EEA1: variants seen among roughly 807,000 people sequenced by gnomAD.
EEA1 encodes early endosome antigen 1, 162kD.
EEA1 carries 111 observed loss-of-function variants against 209.2 expected under a neutral mutation model. That is an observed-to-expected ratio of 0.53 (90% CI 0.45 to 0.62). The LOEUF is 0.62. Among genes scored for constraint, EEA1 ranks in the 20% least tolerant of loss-of-function variants. EEA1 has a pLI of 0.00. For synonymous variants in EEA1, 536 were observed against 540.6 expected (o/e 0.99, Z 0.12); for missense variants, 1,343 against 1,530.8 (o/e 0.88, Z 2.05).
At chr12:92,807,325 T>A (rs971137466) in intron 18 of EEA1, among the ~76,000 whole-genome samples, 1 of 152,124 alleles carries the variant, frequency 6.6e-6, no homozygotes, top group Non-Finnish European at 1.5e-5. Context: ...CAGAAAAACC[T>A]ACAGCTAACC....
In EEA1 at chr12:92,772,976, A is replaced by G. The variant is rs551303452; in HGVS notation, c.*3035T>C. The G allele has an allele frequency of 1.4e-3, 206 of 152,358 alleles. No individual in the cohort carries two copies. The highest frequency in any genetic ancestry group is 4.8e-3 in the African/African-American group (200 of 41,546). The allele number at this position is 152,358 out of a possible 1,614,324, so 9.4% of individuals were successfully genotyped here. A position where few individuals can be genotyped will look rare whatever the true frequency, so the allele number is the denominator to read the frequency against. The stretch of plus-strand genomic sequence containing the variant: ...ATGCACAATATTCACATCTGCAACA[A>G]TAACAAATTGATCATTAAAATTCAG... On this transcript the variant is annotated 3_prime_UTR_variant, in exon 29 of 29. Transcript: ENST00000322349.
Position 92,778,191 on chromosome 12 carries a change from GAA to G in EEA1, c.3655-14_3655-13del, listed in dbSNP as rs1171683797. 6.3e-7 allele frequency: 1 copy of G among 1,597,136 alleles called. No individual in the cohort carries two copies. On this transcript the variant is annotated splice_polypyrimidine_tract_variant and intron_variant, in intron 25 of 28. Coordinates refer to ENST00000322349, the MANE Select transcript of EEA1 (RefSeq NM_003566.4). ...TTTATTTCGGAATGCTGAAAAAAAG[GAA>G]AAGTTGGGGGGAAATCTATTACAAA...
chr12:92,924,977 C>CAGGGCCTTCTAA (rs1441132007), intron 1 of EEA1, among the ~76,000 whole-genome samples: 1 of 151,548 alleles, frequency 6.6e-6, no homozygotes, highest in South Asian at 2.1e-4. Context: ...GAAGCCTTCC[C>CAGGGCCTTCTAA]AACATCTAAA....
At position 92,900,455 on chromosome 12, in the gene EEA1, G is replaced by A. The variant is rs139104738; in HGVS notation, c.25-8734C>T. Among the ~76,000 whole-genome samples the A allele has an allele frequency of 2.3e-3, 343 of 150,440 alleles. 2 individuals carry two copies. The highest frequency in any genetic ancestry group is 7.7e-3 in the African/African-American group (316 of 40,948). Reference sequence around the variant, plus strand: ...GTGTGTTTTTTTTTTTACATTTAATGCCCACAAAATTTTCTTGTTTTAATA... The same window carrying A: ...GTGTGTTTTTTTTTTTACATTTAATACCCACAAAATTTTCTTGTTTTAATA... On this transcript the variant is annotated intron_variant, in intron 1 of 28. Coordinates refer to ENST00000322349, the MANE Select transcript of EEA1 (RefSeq NM_003566.4).
chr12:92,820,480 G>A lies in EEA1; in HGVS notation c.1525-969C>T, dbSNP rs139740703. On this transcript the variant is annotated intron_variant, in intron 13 of 28. Transcript: ENST00000322349. Reference sequence around the variant, plus strand: ...CCTCTCAGTCTCTGTTCCTGCCACCGATAGATAACTCCTCTCTCTACATTC... The same window carrying A: ...CCTCTCAGTCTCTGTTCCTGCCACCAATAGATAACTCCTCTCTCTACATTC... Among the ~76,000 whole-genome samples, 12 of 152,166 alleles carry A rather than the reference G, an allele frequency of 7.9e-5. No homozygotes were observed. In the East Asian group the frequency reaches 1.9e-3, roughly 24 times the overall value.
intron 14 of EEA1, among the ~76,000 whole-genome samples, chr12:92,818,732 CT>C (rs1875911797): frequency 6.6e-6 from 1 of 152,126 alleles, no homozygotes; most frequent in Admixed American, 6.6e-5. Flanking sequence ...AAAAAAGCAA[CT>C]GTAAATTCTT....
At position 92,929,160 on chromosome 12, in the gene EEA1, C is replaced by A; in HGVS notation, c.-94G>T. Reference sequence around the variant, plus strand: ...GGTGCGCGGGCGGGAGGGACTGGGCCGGGAGGGGACCGGGAAGGAGGTCGG... The same window carrying A: ...GGTGCGCGGGCGGGAGGGACTGGGCAGGGAGGGGACCGGGAAGGAGGTCGG... On this transcript the variant is annotated 5_prime_UTR_variant, in exon 1 of 29. Coordinates refer to ENST00000322349, the MANE Select transcript of EEA1 (RefSeq NM_003566.4). The A allele has an allele frequency of 8.5e-7, 1 of 1,177,418 alleles. No individual in the cohort carries two copies. Among genetic ancestry groups the A allele is most frequent in the Non-Finnish European group, 1.2e-6 (1 of 858,616 alleles). 72.9% of individuals were successfully genotyped at this position (1,177,418 alleles called of 1,614,324 possible). A position where few individuals can be genotyped will look rare whatever the true frequency, so the allele number is the denominator to read the frequency against.
At chr12:92,903,096 G>A (rs888155730) in intron 1 of EEA1, among the ~76,000 whole-genome samples, 4 of 151,460 alleles carry the variant, frequency 2.6e-5, no homozygotes, top group African/African-American at 7.3e-5. Flanking sequence ...CACCACACCC[G>A]GCTAATTTTT....
Position 92,778,060 on chromosome 12 carries a change from T to C in EEA1, c.3774A>G (p.Gln1258=), listed in dbSNP as rs201651838. ...ENLGTVKKEW[Q]SSQRRVSELE... is the part of the protein sequence containing the mutation. ...GCTCACTAACTCTCCGTTGACTAGA[T>C]TGCCACTCCTTCTTCACAGTGCCTA... Residue 1258 remains glutamine, a synonymous_variant, in exon 26 of 29, where the codon CAA becomes CAG. Coordinates refer to ENST00000322349, the MANE Select transcript of EEA1 (RefSeq NM_003566.4). 1.9e-5 allele frequency: 30 copies of C among 1,613,562 alleles called. No homozygotes were observed. The highest frequency in any genetic ancestry group is 1.8e-4 in the Admixed American group (11 of 59,944).
chr12:92,823,425 C>G (rs1876154199), intron 13 of EEA1, among the ~76,000 whole-genome samples: 1 of 152,218 alleles, frequency 6.6e-6, no homozygotes, highest in South Asian at 2.1e-4. Flanking sequence ...TAACTTCTAT[C>G]TGGAGTAAAC....
intron 18 of EEA1, among the ~76,000 whole-genome samples, chr12:92,803,794 C>T (rs1318116186): frequency 6.6e-6 from 1 of 152,028 alleles, no homozygotes; most frequent in Non-Finnish European, 1.5e-5. Flanking sequence ...ATGGAAAAGT[C>T]ATTATACTAA....
chr12:92,791,402 A>G (rs908929938), intron 21 of EEA1, among the ~76,000 whole-genome samples: 6 of 152,176 alleles, frequency 3.9e-5, no homozygotes, highest in Non-Finnish European at 7.3e-5. Flanking sequence ...AGACGCATAT[A>G]GGCTCAAAAT....
At chr12:92,865,959 C>T (rs1439443537) in intron 2 of EEA1, among the ~76,000 whole-genome samples, 3 of 150,390 alleles carry the variant, frequency 2.0e-5, no homozygotes, top group Non-Finnish European at 4.5e-5. Flanking sequence ...CATGTTGGCC[C>T]GGTGGTCTCG....
At chr12:92,837,305 G>A (rs958716857) in intron 10 of EEA1, among the ~76,000 whole-genome samples, 7 of 152,122 alleles carry the variant, frequency 4.6e-5, no homozygotes, top group African/African-American at 1.7e-4. Context: ...TAGTGTCACA[G>A]CCAGTAAGTG....
intron 13 of EEA1, chr12:92,821,107 T>C (rs1876033143): frequency 6.6e-6 from 1 of 152,176 alleles, no homozygotes; most frequent in Admixed American, 6.5e-5. Context: ...TCCCAATTTC[T>C]GCCAATTTCC....
At chr12:92,802,819 C>A (rs1874992686) in intron 18 of EEA1, 85 bp from the exon 19 acceptor site, 1 of 1,133,302 alleles carries the variant, frequency 8.8e-7, no homozygotes, top group Admixed American at 3.5e-5. Context: ...CAAACAATTA[C>A]TGAGTTCTGA....
intron 18 of EEA1, among the ~76,000 whole-genome samples, chr12:92,805,476 T>C (rs1477896581): frequency 2.6e-5 from 4 of 152,208 alleles, no homozygotes; most frequent in Non-Finnish European, 5.9e-5. Context: ...CCTTTACTAC[T>C]GGAACAGTCA....
intron 2 of EEA1, among the ~76,000 whole-genome samples, chr12:92,888,602 A>C (rs1414885946): frequency 6.6e-6 from 1 of 152,048 alleles, no homozygotes; most frequent in Non-Finnish European, 1.5e-5. Flanking sequence ...AAACAAAAAA[A>C]AAAACCCAAG....
In EEA1 at chr12:92,775,818, G is replaced by A; in HGVS notation, c.*193C>T. The A allele has an allele frequency of 2.3e-6, 1 of 443,250 alleles. No homozygotes were observed. The allele number at this position is 443,250 out of a possible 1,614,324, so 27.5% of individuals were successfully genotyped here. A position where few individuals can be genotyped will look rare whatever the true frequency, so the allele number is the denominator to read the frequency against. On this transcript the variant is annotated 3_prime_UTR_variant, in exon 29 of 29. Coordinates refer to ENST00000322349, the MANE Select transcript of EEA1 (RefSeq NM_003566.4). ...GCTAAATGGGAAAAAAGTAATGAAAGATGATAAGCCCAAGTCTCACAAAAA... is the reference window on the plus strand; with the variant it reads ...GCTAAATGGGAAAAAAGTAATGAAAAATGATAAGCCCAAGTCTCACAAAAA...
Sources: gnomAD v4.1 joint callset for allele counts (sites outside exome capture counted in the v4.1 genomes callset) on GRCh38, gnomAD v4.1.1 for gene constraint, MANE v1.5 for transcripts, NCBI Gene and HGNC (gene_info 2026-07-23, HGNC 2026-07-21) for gene names.